Variants in CEMIP observed in about 807,000 individuals in gnomAD.
CEMIP encodes cell migration inducing hyaluronidase 1, also known as cell migration-inducing and hyaluronan-binding protein.
CEMIP carries 105 observed loss-of-function variants against 156.9 expected under a neutral mutation model. The ratio of observed to expected loss-of-function variants is 0.67; its 90% CI spans 0.57 to 0.79. The LOEUF (loss-of-function observed/expected upper bound fraction) is 0.79. Ranked by LOEUF, CEMIP falls within the 30% of genes least tolerant of loss-of-function variation. The pLI, the probability that CEMIP is intolerant of heterozygous loss-of-function variation, is 0.00. For missense variants in CEMIP, 1,457 were observed against 1,769.4 expected (o/e 0.82, Z 3.17); for synonymous variants, 676 against 668.4 (o/e 1.01, Z -0.17).
intron 7 of CEMIP, among the ~76,000 whole-genome samples, chr15:80,886,418 G>A (rs1485154160): frequency 6.6e-6 from 1 of 152,188 alleles, no homozygotes; most frequent in Non-Finnish European, 1.5e-5. Flanking sequence ...AAAGTGGACA[G>A]TTAAATCCCC....
chr15:80,854,814 T>A (rs1205605916), intron 1 of CEMIP, among the ~76,000 whole-genome samples: 1 of 152,032 alleles, frequency 6.6e-6, no homozygotes, highest in African/African-American at 2.4e-5. Context: ...CACGAGATAA[T>A]GTTGTAAAAT....
intron 3 of CEMIP, among the ~76,000 whole-genome samples, chr15:80,877,318 C>T (rs1898509165): frequency 6.6e-6 from 1 of 152,178 alleles, no homozygotes; most frequent in Non-Finnish European, 1.5e-5. Context: ...GACACAGCCT[C>T]TCCTAGGCTC....
At chr15:80,871,312 G>A (rs936641044) in intron 1 of CEMIP, among the ~76,000 whole-genome samples, 1 of 152,236 alleles carries the variant, frequency 6.6e-6, no homozygotes, top group African/African-American at 2.4e-5. Flanking sequence ...CAGTGGCTTA[G>A]ACAGCTGGCT....
rs1003023292 is a variant in CEMIP at position 80,949,059 on chromosome 15, C to T, written c.*135C>T. 4 of 1,197,362 alleles carry T rather than the reference C, an allele frequency of 3.3e-6. No individual in the cohort carries two copies. The highest frequency in any genetic ancestry group is 1.2e-5 in the South Asian group (1 of 81,918). The allele number at this position is 1,197,362 out of a possible 1,614,324, so 74.2% of individuals were successfully genotyped here. On this transcript the variant is annotated 3_prime_UTR_variant, in exon 30 of 30. Coordinates refer to ENST00000394685, the MANE Select transcript of CEMIP (RefSeq NM_001293298.2). ...AAGGCCGTGTTTCAGCCCTGATGGG[C>T]CAAGGGAAGGCTATCAGAGACCCTG...
At chr15:80,782,314 G>T (rs1465310156) in intron 1 of CEMIP, among the ~76,000 whole-genome samples, 1 of 152,192 alleles carries the variant, frequency 6.6e-6, no homozygotes, top group African/African-American at 2.4e-5. Context: ...TGAAGTAGGG[G>T]TTAGCTTTAT....
intron 17 of CEMIP, among the ~76,000 whole-genome samples, chr15:80,922,386 A>C (rs1411138528): frequency 6.6e-6 from 1 of 152,202 alleles, no homozygotes; most frequent in Admixed American, 6.5e-5. Flanking sequence ...AAAAGGAGCA[A>C]GTTGTGCCTT....
intron 14 of CEMIP, among the ~76,000 whole-genome samples, chr15:80,919,597 AG>A (rs776857515): frequency 6.6e-6 from 1 of 152,150 alleles, no homozygotes; most frequent in Non-Finnish European, 1.5e-5. Flanking sequence ...GCGGATCATG[AG>A]GTCAGGAGAT....
At position 80,789,590 on chromosome 15, in the gene CEMIP, C is replaced by T. The variant is rs868299711; in HGVS notation, c.-176+9976C>T. Among the ~76,000 whole-genome samples the T allele has an allele frequency of 2.6e-5, 4 of 151,914 alleles. No homozygotes were observed. The East Asian group carries it at 5.8e-4, about 22-fold the overall frequency. On this transcript the variant is annotated intron_variant, in intron 1 of 29. Transcript: ENST00000394685. ...ATGATTTTTTTTTTAAATAAAAAGG[C>T]GTGGTCATCTCAGTGGTGTCTGTTT...
chr15:80,946,916 T>C, intron 28 of CEMIP, 49 bp from the exon 29 acceptor site: 1 of 1,310,994 alleles, frequency 7.6e-7, no homozygotes, highest in Non-Finnish European at 1.1e-6. Context: ...ATGCCCACTT[T>C]CTCCAGTTTG....
intron 16 of CEMIP, 134 bp downstream of exon 16, chr15:80,921,235 G>A (rs2141922792): frequency 1.1e-6 from 1 of 872,190 alleles, no homozygotes; most frequent in Non-Finnish European, 1.8e-6. Flanking sequence ...GCTTAGCTGT[G>A]GTGAAGAGGA....
In CEMIP at chr15:80,929,063, A is replaced by G; in HGVS notation, c.2501A>G (p.Lys834Arg). The G allele has an allele frequency of 6.2e-7, 1 of 1,614,230 alleles. No homozygotes were observed. Reference sequence around the variant, plus strand: ...GACGACGGCTCCAAGCAAGAGATAAAGAACAGCTTGTTTGTTGGCGAGAGT... The same window carrying G: ...GACGACGGCTCCAAGCAAGAGATAAGGAACAGCTTGTTTGTTGGCGAGAGT... ...PYDDGSKQEI[K>R]NSLFVGESGN... Residue 834 changes from lysine to arginine, a missense_variant, in exon 21 of 30, where the codon AAG (lysine) becomes AGG (arginine). Coordinates refer to ENST00000394685, the MANE Select transcript of CEMIP (RefSeq NM_001293298.2).
intron 1 of CEMIP, among the ~76,000 whole-genome samples, chr15:80,796,420 A>G (rs555685174): frequency 2.4e-4 from 37 of 152,308 alleles, no homozygotes; most frequent in African/African-American, 8.2e-4. Flanking sequence ...TTCATCCTGG[A>G]GAGCTCTGAT....
chr15:80,805,447 A>G (rs920141094), intron 1 of CEMIP, among the ~76,000 whole-genome samples: 1 of 152,116 alleles, frequency 6.6e-6, no homozygotes, highest in African/African-American at 2.4e-5. Context: ...GCACTAAGTT[A>G]GGTGTTTAAA....
At chr15:80,941,700 T>A (rs890542548) in intron 25 of CEMIP, 149 bp from the exon 26 acceptor site, 1 of 711,850 alleles carries the variant, frequency 1.4e-6, no homozygotes, top group Non-Finnish European at 2.5e-6. Flanking sequence ...TCCAACTACA[T>A]GCAACTCGGT....
At chr15:80,879,089 T>A (rs1032753424) in intron 4 of CEMIP, among the ~76,000 whole-genome samples, 6 of 152,262 alleles carry the variant, frequency 3.9e-5, no homozygotes, top group African/African-American at 1.4e-4. Context: ...AGAAAACTCC[T>A]TATTGGTGTC....
At chr15:80,881,751 T>C (rs1047830721) in intron 6 of CEMIP, among the ~76,000 whole-genome samples, 2 of 152,162 alleles carry the variant, frequency 1.3e-5, no homozygotes, top group Admixed American at 1.3e-4. Flanking sequence ...AAGAGCATGA[T>C]CTGATTTAAA....
intron 6 of CEMIP, among the ~76,000 whole-genome samples, chr15:80,882,353 C>G (rs1481422509): frequency 1.3e-5 from 2 of 152,228 alleles, no homozygotes; most frequent in Non-Finnish European, 2.9e-5. Context: ...AGCACTGAGG[C>G]TCACAGGGCT....
At chr15:80,867,704 C>T (rs980038643) in intron 1 of CEMIP, among the ~76,000 whole-genome samples, 3 of 152,200 alleles carry the variant, frequency 2.0e-5, no homozygotes, top group African/African-American at 7.2e-5. Flanking sequence ...GGGACTCTTC[C>T]TGTGTTTATC....
At chr15:80,834,658 C>G (rs1377265042) in intron 1 of CEMIP, among the ~76,000 whole-genome samples, 2 of 152,198 alleles carry the variant, frequency 1.3e-5, no homozygotes, top group African/African-American at 2.4e-5. Flanking sequence ...ACTACGCTGT[C>G]TTAAAGACTT....
Sources: gnomAD v4.1 joint callset for allele counts (sites outside exome capture counted in the v4.1 genomes callset) on GRCh38, gnomAD v4.1.1 for gene constraint, MANE v1.5 for transcripts, NCBI Gene and HGNC (gene_info 2026-07-23, HGNC 2026-07-21) for gene names.